The following HS3ST4 variants were observed in gnomAD, a reference collection of about 807,000 sequenced individuals.
HS3ST4 encodes heparan sulfate glucosamine 3-O-sulfotransferase 4.
Under a neutral mutation model 29.2 loss-of-function variants are expected in HS3ST4, and 17 were observed. That is an observed-to-expected ratio of 0.58 (90% CI 0.40 to 0.87). The LOEUF (loss-of-function observed/expected upper bound fraction) is 0.87, where lower values mean the gene tolerates loss of function less well. Among genes scored for constraint, HS3ST4 ranks in the 40% least tolerant of loss-of-function variants. The probability of loss-of-function intolerance (pLI) is 0.00; values close to 1 mark genes in which losing one functional copy is unlikely to be tolerated. For missense variants in HS3ST4, 627 were observed against 634.5 expected, an observed-to-expected ratio of 0.99 and a Z score of 0.13; for synonymous variants, 314 against 285.7, an observed-to-expected ratio of 1.10 and a Z score of -1.00.
At position 25,717,510 on chromosome 16, in the gene HS3ST4, G is replaced by GGGGT. The variant is rs1305361400; in HGVS notation, c.734+24360_734+24361insGGTG. Among the ~76,000 whole-genome samples the GGGGT allele has an allele frequency of 5.7e-3, 761 of 132,912 alleles. 5 individuals are homozygous for GGGGT. The highest frequency in any genetic ancestry group is 0.021 in the African/African-American group (725 of 35,090). The allele number at this position is 132,912 out of a possible 152,430, so 87.2% of individuals were successfully genotyped here. A position where few individuals can be genotyped will look rare whatever the true frequency, so the allele number is the denominator to read the frequency against. ...CTGAAGGATGAGTAGAAGGTGAAGG[G>GGGGT]GTGTGTGTGTGTGTGTGTGTGTGTG... On this transcript the variant is annotated intron_variant, in intron 1 of 1. Transcript: ENST00000331351.
At chr16:26,099,792 C>T (rs1898970573) in intron 1 of HS3ST4, among the ~76,000 whole-genome samples, 1 of 152,130 alleles carries the variant, frequency 6.6e-6, no homozygotes, top group Non-Finnish European at 1.5e-5. Flanking sequence ...AACACACAGA[C>T]ATACACATGC....
intron 1 of HS3ST4, among the ~76,000 whole-genome samples, chr16:25,730,467 TCTC>T (rs1476921646): frequency 7.4e-6 from 1 of 134,808 alleles, no homozygotes; most frequent in African/African-American, 2.8e-5. Context: ...CTTCCTTCCT[TCTC>T]CTTCCTTCCT....
At chr16:26,009,125 C>A (rs941781615) in intron 1 of HS3ST4, among the ~76,000 whole-genome samples, 2 of 152,128 alleles carry the variant, frequency 1.3e-5, no homozygotes, top group Non-Finnish European at 1.5e-5. Flanking sequence ...TTCCCCAAAC[C>A]CTTTGCTTAA....
intron 1 of HS3ST4, among the ~76,000 whole-genome samples, chr16:25,793,318 A>G (rs1458980911): frequency 6.6e-6 from 1 of 151,954 alleles, no homozygotes; most frequent in African/African-American, 2.4e-5. Flanking sequence ...ATTGATTAAC[A>G]TGATTTTTTT....
intron 1 of HS3ST4, among the ~76,000 whole-genome samples, chr16:25,985,475 C>T (rs114622803): frequency 0.022 from 3,413 of 152,104 alleles, 141 homozygotes; most frequent in African/African-American, 0.078. Flanking sequence ...TGGTGGAAGA[C>T]GGAGCTTGGG....
intron 1 of HS3ST4, among the ~76,000 whole-genome samples, chr16:25,889,659 G>A (rs4787778): frequency 0.62 from 94,397 of 151,928 alleles, 29,526 homozygotes; most frequent in East Asian, 0.73. Flanking sequence ...CGCTGTTTTC[G>A]TGTATAGCAA....
chr16:25,986,211 C>T (rs2141725409), intron 1 of HS3ST4, among the ~76,000 whole-genome samples: 1 of 152,274 alleles, frequency 6.6e-6, no homozygotes, highest in Non-Finnish European at 1.5e-5. Context: ...TCATTCTCTA[C>T]CTTCTCCTAC....
rs533606379 is a variant in HS3ST4 at position 25,884,813 on chromosome 16, G to A, written c.734+191662G>A. Among the ~76,000 whole-genome samples the A allele has an allele frequency of 3.9e-5, 6 of 152,260 alleles. No homozygotes were observed. The East Asian group carries it at 9.7e-4, about 24-fold the overall frequency. On this transcript the variant is annotated intron_variant, in intron 1 of 1. Coordinates refer to ENST00000331351, the MANE Select transcript of HS3ST4 (RefSeq NM_006040.3). ...ACTTCTGACCTCAGTTGATCCACCC[G>A]CCTGAGCTACCAAAACTGCTAGGAT...
intron 1 of HS3ST4, among the ~76,000 whole-genome samples, chr16:25,713,630 C>G (rs1356849662): frequency 6.6e-6 from 1 of 152,148 alleles, no homozygotes; most frequent in African/African-American, 2.4e-5. Context: ...AGGAATGGGC[C>G]AGGATCCAGT....
chr16:26,070,135 G>C (rs1898585590), intron 1 of HS3ST4, among the ~76,000 whole-genome samples: 1 of 152,148 alleles, frequency 6.6e-6, no homozygotes, highest in Admixed American at 6.5e-5. Context: ...TTGCCACACT[G>C]TCTTCCACAA....
chr16:25,718,208 C>T (rs781260548), intron 1 of HS3ST4, among the ~76,000 whole-genome samples: 1 of 152,158 alleles, frequency 6.6e-6, no homozygotes, highest in Non-Finnish European at 1.5e-5. Context: ...TTAATCCAGT[C>T]ATAGGGTTTT....
rs1159370467 is a variant in HS3ST4, at chr16:25,984,923, G to A, written c.735-150689G>A. Among the ~76,000 whole-genome samples, 4 of 152,224 alleles carry A rather than the reference G, an allele frequency of 2.6e-5. No homozygotes were observed. The South Asian group carries it at 8.3e-4, about 32-fold the overall frequency. The stretch of plus-strand genomic sequence containing the variant: ...CTTCCAAGATGGCAAGGTGTGGCAG[G>A]CAAACTCCTCTAACCTCTTGGCCTG... On this transcript the variant is annotated intron_variant, in intron 1 of 1. Transcript: ENST00000331351.
intron 1 of HS3ST4, among the ~76,000 whole-genome samples, chr16:25,873,465 C>CCCAT (rs1304347742): frequency 7.4e-6 from 1 of 135,210 alleles, no homozygotes; most frequent in Non-Finnish European, 1.6e-5. Flanking sequence ...CATTTACCCA[C>CCCAT]CCATCCATCT....
chr16:25,759,858 C>T (rs1006970500), intron 1 of HS3ST4, among the ~76,000 whole-genome samples: 14 of 151,992 alleles, frequency 9.2e-5, no homozygotes, highest in Non-Finnish European at 1.5e-4. Flanking sequence ...CCACTACACT[C>T]CAGCCTGGGT....
At chr16:25,828,290 TTCTTTCTTTCCCTC>T (rs1326173941) in intron 1 of HS3ST4, among the ~76,000 whole-genome samples, 14 of 69,514 alleles carry the variant, frequency 2.0e-4, no homozygotes, top group South Asian at 1.9e-3. Flanking sequence ...CTTTCTTTCT[TTCTTTCTTTCCCTC>T]TCTCTCTCTC....
At chr16:25,755,367 G>A (rs188309531) in intron 1 of HS3ST4, among the ~76,000 whole-genome samples, 7 of 152,252 alleles carry the variant, frequency 4.6e-5, no homozygotes, top group Admixed American at 1.3e-4. Context: ...GTGACATTCC[G>A]GGCATGCTTT....
At chr16:25,990,834 C>A (rs570244639) in intron 1 of HS3ST4, among the ~76,000 whole-genome samples, 3 of 152,338 alleles carry the variant, frequency 2.0e-5, no homozygotes, top group East Asian at 1.9e-4. Context: ...CCTAGACACA[C>A]AAGAGGGCAG....
intron 1 of HS3ST4, among the ~76,000 whole-genome samples, chr16:25,897,989 T>G (rs1372230097): frequency 2.6e-5 from 4 of 152,174 alleles, no homozygotes; most frequent in African/African-American, 9.7e-5. Flanking sequence ...ACTGCGTTCA[T>G]CTGAGTAGAT....
intron 1 of HS3ST4, among the ~76,000 whole-genome samples, chr16:26,013,738 G>A (rs375505329): frequency 6.6e-5 from 10 of 152,220 alleles, no homozygotes; most frequent in African/African-American, 2.2e-4. Flanking sequence ...GGCCGGGAGC[G>A]GTGGCTCATG....
Sources: allele counts gnomAD v4.1 joint callset (sites outside exome capture counted in the v4.1 genomes callset), GRCh38; gene constraint gnomAD v4.1.1; transcripts MANE v1.5; gene names NCBI Gene and HGNC (gene_info 2026-07-23, HGNC 2026-07-21).